The following FAM222B variants were observed in gnomAD, a reference collection of about 807,000 sequenced individuals.
FAM222B encodes protein FAM222B.
A neutral mutation model predicts 38.0 loss-of-function variants in FAM222B; 12 were observed. The ratio of observed to expected loss-of-function variants is 0.32; its 90% CI spans 0.20 to 0.51. The LOEUF (loss-of-function observed/expected upper bound fraction) is 0.51. FAM222B is among the 20% of genes least tolerant of loss of function. The pLI is 0.97. For synonymous variants in FAM222B, 329 were observed against 317.2 expected, an observed-to-expected ratio of 1.04 and a Z score of -0.40; for missense variants, 716 against 754.2, an observed-to-expected ratio of 0.95 and a Z score of 0.59.
upstream of FAM222B, among the ~76,000 whole-genome samples, chr17:28,846,576 C>G (rs1039625043): frequency 1.3e-3 from 189 of 149,886 alleles, no homozygotes; most frequent in African/African-American, 3.6e-3. Flanking sequence ...GGCTGAAGAG[C>G]GAGGATTGCT....
upstream of FAM222B, among the ~76,000 whole-genome samples, chr17:28,847,652 C>A (rs1598069427): frequency 2.0e-5 from 3 of 151,340 alleles, no homozygotes; most frequent in Middle Eastern, 3.5e-3. Flanking sequence ...CGGTGGCTCA[C>A]TCCTGTAATC....
intron 2 of FAM222B, among the ~76,000 whole-genome samples, chr17:28,761,778 C>CA (rs1190657278): frequency 1.3e-5 from 2 of 152,002 alleles, no homozygotes; most frequent in Non-Finnish European, 2.9e-5. Flanking sequence ...CAAATACTGG[C>CA]AAAAAAGTCT....
intron 1 of FAM222B, among the ~76,000 whole-genome samples, chr17:28,809,986 T>G (rs1206594461): frequency 2.0e-5 from 3 of 150,476 alleles, no homozygotes; most frequent in Non-Finnish European, 4.4e-5. Context: ...CTCCAACTGG[T>G]TTTTTTTTGT....
chr17:28,759,255 T>C lies in FAM222B; in HGVS notation c.704A>G (p.Asp235Gly). ...PLLHGGRKMPDSDAPPNVTVS... is the reference protein window; with the variant it reads ...PLLHGGRKMPGSDAPPNVTVS... ...GGTCACATTCGGGGGGGCATCTGAG[T>C]CTGGCATCTTCCGGCCTCCATGCAG... The change falls in exon 3 of 3, where the codon GAC becomes GGC. Residue 235 changes from aspartate to glycine, a missense_variant. By Grantham distance (94) the Asp-to-Gly change is moderately conservative. Transcript: ENST00000581407. This position sits in a 1 kb window ranked among gnomAD's most constrained non-coding sequence, Gnocchi z 4.8. 1.9e-6 allele frequency: 3 copies of C among 1,613,466 alleles called. No individual in the cohort carries two copies. Among genetic ancestry groups the C allele is most frequent in the Non-Finnish European group, 2.5e-6 (3 of 1,179,718 alleles).
Position 28,758,308 on chromosome 17 carries a change from T to G in FAM222B, c.1651A>C (p.Ser551Arg). 1.9e-6 allele frequency: 3 copies of G among 1,604,846 alleles called. No individual in the cohort carries two copies. Among genetic ancestry groups the G allele is most frequent in the Non-Finnish European group, 2.6e-6 (3 of 1,175,872 alleles). ...PGNRAPDPTESRSLHIQHPGY... is the reference protein window; with the variant it reads ...PGNRAPDPTERRSLHIQHPGY... ...GGGTGCTGAATATGAAGACTTCGAC[T>G]CTCTGTGGGATCGGGGGCTCGGTTG... The change falls in exon 3 of 3, where the codon AGT becomes CGT. Residue 551 changes from serine (S) to arginine (R), a missense_variant. By Grantham distance (110) the Ser-to-Arg change is moderately radical (BLOSUM62 -1). Coordinates refer to ENST00000581407, the MANE Select transcript of FAM222B (RefSeq NM_001077498.3).
At chr17:28,787,261 G>A (rs925546662) in intron 1 of FAM222B, among the ~76,000 whole-genome samples, 19 of 152,114 alleles carry the variant, frequency 1.2e-4, no homozygotes, top group African/African-American at 4.6e-4. Flanking sequence ...TCTAGGGCTA[G>A]TTTCCCAATC....
intron 1 of FAM222B, among the ~76,000 whole-genome samples, chr17:28,797,823 G>A (rs1265159043): frequency 6.6e-6 from 1 of 152,084 alleles, no homozygotes; most frequent in Non-Finnish European, 1.5e-5. Context: ...AGAAATTTAG[G>A]AGGCTGAGGC....
upstream of FAM222B, among the ~76,000 whole-genome samples, chr17:28,846,582 T>C (rs1248689510): frequency 1.3e-5 from 2 of 151,856 alleles, no homozygotes; most frequent in East Asian, 3.9e-4. Flanking sequence ...AGAGCGAGGA[T>C]TGCTTGGGTC....
intron 1 of FAM222B, among the ~76,000 whole-genome samples, chr17:28,800,579 T>C (rs1351110285): frequency 1.3e-5 from 2 of 152,096 alleles, no homozygotes; most frequent in East Asian, 1.9e-4. Context: ...AATAAAAATA[T>C]ATCTGGCTGA....
At chr17:28,798,301 G>A (rs1196977444) in intron 1 of FAM222B, among the ~76,000 whole-genome samples, 1 of 151,972 alleles carries the variant, frequency 6.6e-6, no homozygotes, top group Non-Finnish European at 1.5e-5. Flanking sequence ...AGAATCACCT[G>A]AGCCCAGGAG....
At chr17:28,829,183 C>T (rs530326202) in intron 1 of FAM222B, among the ~76,000 whole-genome samples, 44 of 150,324 alleles carry the variant, frequency 2.9e-4, no homozygotes, top group Non-Finnish European at 3.2e-4. Context: ...GGATTACAGG[C>T]GTGAGCCATC....
rs1216179216 is a variant in FAM222B at position 28,822,872 on chromosome 17, T to C, written c.-41+19810A>G. On this transcript the variant is annotated intron_variant, in intron 1 of 2. Transcript: ENST00000581407. ...ATATATATATATATATATACACACA[T>C]ATATATATATACACACACACATATA... is the stretch of plus-strand genomic sequence containing the variant. 1.4e-3 allele frequency among the ~76,000 whole-genome samples: 129 copies of C among 92,978 alleles called. 1 individual carries two copies. Among genetic ancestry groups the C allele is most frequent in the African/African-American group, 3.0e-3 (69 of 23,252 alleles). The allele number at this position is 92,978 out of a possible 152,430, so 61.0% of individuals were successfully genotyped here. A position where few individuals can be genotyped will look rare whatever the true frequency, so the allele number is the denominator to read the frequency against.
intron 1 of FAM222B, chr17:28,802,826 C>T (rs1320949458): frequency 1.3e-5 from 2 of 152,912 alleles, no homozygotes; most frequent in African/African-American, 4.8e-5. Flanking sequence ...AAGAACTAAC[C>T]ACTGGTCATC....
chr17:28,778,477 T>C (rs1335155357), intron 1 of FAM222B, among the ~76,000 whole-genome samples: 1 of 150,150 alleles, frequency 6.7e-6, no homozygotes. Context: ...TTAATTCCTA[T>C]TAAGTAAAAA....
intron 1 of FAM222B, among the ~76,000 whole-genome samples, chr17:28,795,039 G>C (rs138601009): frequency 0.034 from 5,090 of 151,234 alleles, 126 homozygotes; most frequent in East Asian, 0.1. Flanking sequence ...GTTGCAGTGA[G>C]TCAAGATCAC....
chr17:28,853,086 G>A (rs1186606534), intron 1 of FAM222B, among the ~76,000 whole-genome samples: 5 of 151,910 alleles, frequency 3.3e-5, no homozygotes, highest in Admixed American at 6.6e-5. Flanking sequence ...CCAGCTACTC[G>A]GGAGGCTGAG....
intron 1 of FAM222B, among the ~76,000 whole-genome samples, chr17:28,775,905 CAAAAAAACA>C (rs1391198482): frequency 2.0e-5 from 3 of 147,136 alleles, no homozygotes; most frequent in African/African-American, 7.5e-5. Flanking sequence ...AAAACAAAAA[CAAAAAAACA>C]AAAAAAACAA....
At chr17:28,796,060 C>T (rs2036925879) in intron 1 of FAM222B, among the ~76,000 whole-genome samples, 1 of 152,042 alleles carries the variant, frequency 6.6e-6, no homozygotes, top group Admixed American at 6.6e-5. Context: ...CTAAAAGAGG[C>T]CTGGAAAAAG....
At chr17:28,770,072 C>G (rs893115546) in intron 1 of FAM222B, among the ~76,000 whole-genome samples, 2 of 152,126 alleles carry the variant, frequency 1.3e-5, no homozygotes, top group Non-Finnish European at 2.9e-5. Flanking sequence ...GCACGTGGCC[C>G]TTCCTGTTGT....
Sources: gnomAD v4.1 joint callset for allele counts (sites outside exome capture counted in the v4.1 genomes callset) on GRCh38, gnomAD v4.1.1 for gene constraint, Gnocchi (gnomAD v3.1) non-coding constraint, MANE v1.5 for transcripts, NCBI Gene and HGNC (gene_info 2026-07-23, HGNC 2026-07-21) for gene names.